PCSK5: variants seen among roughly 807,000 people sequenced by gnomAD.
PCSK5 encodes prohormone convertase 5.
Under a neutral mutation model 233.2 loss-of-function variants are expected in PCSK5, and 129 were observed. That is an observed-to-expected ratio of 0.55 (90% CI 0.48 to 0.64). PCSK5 has a LOEUF of 0.64. Ranked by LOEUF, PCSK5 falls within the 30% of genes least tolerant of loss-of-function variation. The pLI, the probability that PCSK5 is intolerant of heterozygous loss-of-function variation, is 0.00. For missense variants in PCSK5, 2,076 were observed against 2,430.1 expected, an observed-to-expected ratio of 0.85 and a Z score of 3.06; for synonymous variants, 825 against 879.2, an observed-to-expected ratio of 0.94 and a Z score of 1.09.
At chr9:76,134,766 A>G (rs532586301) in intron 10 of PCSK5, among the ~76,000 whole-genome samples, 3 of 152,172 alleles carry the variant, frequency 2.0e-5, no homozygotes, top group South Asian at 4.1e-4. Flanking sequence ...TCCTTATGCA[A>G]TTGTGCACAA....
intron 10 of PCSK5, 108 bp from the exon 11 acceptor site, chr9:76,156,937 G>A: frequency 1.4e-6 from 1 of 725,458 alleles, no homozygotes. Flanking sequence ...ATCATTGCTG[G>A]AAAGATAGCT....
chr9:76,269,781 A>G (rs1827451247), intron 24 of PCSK5, among the ~76,000 whole-genome samples: 1 of 152,250 alleles, frequency 6.6e-6, no homozygotes, highest in Admixed American at 6.5e-5. Flanking sequence ...TCTCAGATCA[A>G]GAGAAACATT....
chr9:75,980,375 TG>T (rs1826222081), intron 2 of PCSK5, among the ~76,000 whole-genome samples: 1 of 152,194 alleles, frequency 6.6e-6, no homozygotes. Context: ...TGAATGTATA[TG>T]CAGTGTTTAT....
At chr9:76,158,651 A>G (rs967965400) in intron 11 of PCSK5, among the ~76,000 whole-genome samples, 3 of 152,136 alleles carry the variant, frequency 2.0e-5, no homozygotes, top group Non-Finnish European at 2.9e-5. Flanking sequence ...TAGAAATGCA[A>G]ATTCTTGAGA....
chr9:75,982,598 GA>G (rs1334739924), intron 2 of PCSK5, among the ~76,000 whole-genome samples: 1 of 152,074 alleles, frequency 6.6e-6, no homozygotes, highest in African/African-American at 2.4e-5. Context: ...TACCTTTCCA[GA>G]AGTTTCTCTA....
At chr9:76,156,613 A>AT (rs1822597146) in intron 10 of PCSK5, among the ~76,000 whole-genome samples, 1 of 152,210 alleles carries the variant, frequency 6.6e-6, no homozygotes, top group Non-Finnish European at 1.5e-5. Flanking sequence ...AATGCAAGTG[A>AT]TTAAACAGTG....
intron 9 of PCSK5, among the ~76,000 whole-genome samples, chr9:76,117,152 G>A (rs1451716273): frequency 6.6e-6 from 1 of 151,872 alleles, no homozygotes; most frequent in Non-Finnish European, 1.5e-5. Context: ...AGCTAGTTTG[G>A]TATGTGCCTG....
chr9:76,059,764 A>G (rs554641729), intron 5 of PCSK5, among the ~76,000 whole-genome samples: 2 of 152,166 alleles, frequency 1.3e-5, no homozygotes, highest in African/African-American at 4.8e-5. Flanking sequence ...CTAGAAAGAA[A>G]TTTTTTAAAT....
At chr9:75,959,710 T>C (rs1190907610) in intron 2 of PCSK5, among the ~76,000 whole-genome samples, 1 of 152,220 alleles carries the variant, frequency 6.6e-6, no homozygotes, top group Non-Finnish European at 1.5e-5. Flanking sequence ...CGGTGAAACT[T>C]AAGAATCCTT....
intron 1 of PCSK5, among the ~76,000 whole-genome samples, chr9:75,910,591 T>C (rs1018894527): frequency 2.0e-5 from 3 of 152,196 alleles, no homozygotes. Flanking sequence ...TTTTTTTTTT[T>C]TCTCTTTCCA....
intron 25 of PCSK5, among the ~76,000 whole-genome samples, chr9:76,294,996 A>G (rs1271457859): frequency 6.6e-6 from 1 of 152,050 alleles, no homozygotes; most frequent in Non-Finnish European, 1.5e-5. Context: ...CTGGAAAAAA[A>G]TACAAAAATT....
In PCSK5 at chr9:76,106,351, A is replaced by G. The variant is rs565467003; in HGVS notation, c.1108-900A>G. Among the ~76,000 whole-genome samples the G allele has an allele frequency of 1.2e-4, 18 of 152,322 alleles. 1 individual carries two copies. The South Asian group carries it at 1.7e-3, about 14-fold the overall frequency. On this transcript the variant is annotated intron_variant, in intron 8 of 37. Transcript: ENST00000674117. ...GGATTTAAAAAATCTTAGAGCTATT[A>G]GAGTGGTTTCCAGAATCTTATTCCA...
intron 3 of PCSK5, among the ~76,000 whole-genome samples, chr9:76,009,398 G>A (rs1827625316): frequency 1.3e-5 from 2 of 151,890 alleles, no homozygotes; most frequent in Admixed American, 6.6e-5. Flanking sequence ...GGAGGCCGAG[G>A]TGGGTGGATC....
chr9:75,909,648 T>C (rs1822636887), intron 1 of PCSK5, among the ~76,000 whole-genome samples: 1 of 152,084 alleles, frequency 6.6e-6, no homozygotes, highest in Non-Finnish European at 1.5e-5. Flanking sequence ...TGAGCTGAGA[T>C]CGTGCCATTG....
rs540559527 is a variant in PCSK5 at position 75,992,124 on chromosome 9, T to C, written c.411+5879T>C. Among the ~76,000 whole-genome samples the C allele has an allele frequency of 5.9e-5, 9 of 152,234 alleles. No homozygotes were observed. In the East Asian group the frequency reaches 1.7e-3, roughly 29 times the overall value. ...AATCATAAATAAACATTGAAATGGC[T>C]GTCCACCTACCCCCAAACTAAGGAA... On this transcript the variant is annotated intron_variant, in intron 3 of 37. Coordinates refer to ENST00000674117, the MANE Select transcript of PCSK5 (RefSeq NM_001372043.1).
chr9:76,160,127 T>A (rs1822790260), intron 12 of PCSK5, among the ~76,000 whole-genome samples: 1 of 152,116 alleles, frequency 6.6e-6, no homozygotes, highest in Non-Finnish European at 1.5e-5. Context: ...AGCTGACTCT[T>A]CAGTCTTTAT....
At chr9:76,255,733 G>A (rs1455197210) in intron 24 of PCSK5, among the ~76,000 whole-genome samples, 1 of 152,154 alleles carries the variant, frequency 6.6e-6, no homozygotes, top group Non-Finnish European at 1.5e-5. Context: ...TACTTAGAAG[G>A]CTGAGGCAGG....
chr9:75,956,547 A>C (rs994863510), intron 2 of PCSK5, among the ~76,000 whole-genome samples: 2 of 152,212 alleles, frequency 1.3e-5, no homozygotes, highest in African/African-American at 4.8e-5. Flanking sequence ...TATCACTCAA[A>C]GTTTTCTTTG....
intron 24 of PCSK5, among the ~76,000 whole-genome samples, chr9:76,286,233 A>C (rs925058762): frequency 6.6e-6 from 1 of 152,228 alleles, no homozygotes; most frequent in African/African-American, 2.4e-5. Context: ...TGTCATTCAC[A>C]GAAATGAAGA....
Sources: allele counts gnomAD v4.1 joint callset (sites outside exome capture counted in the v4.1 genomes callset), GRCh38; gene constraint gnomAD v4.1.1; transcripts MANE v1.5; gene names NCBI Gene and HGNC (gene_info 2026-07-23, HGNC 2026-07-21).